PARPBP: variants seen among roughly 807,000 people sequenced by gnomAD.
The protein encoded by PARPBP is PCNA-interacting partner.
PARPBP carries 52 observed loss-of-function variants against 50.0 expected under a neutral mutation model. That is an observed-to-expected ratio of 1.04 (90% confidence interval 0.83 to 1.31). The LOEUF (loss-of-function observed/expected upper bound fraction) is 1.31. Ranked by LOEUF, PARPBP falls within the 50% of genes most tolerant of loss-of-function variation. PARPBP has a pLI of 0.00. For synonymous variants in PARPBP, 244 were observed against 232.1 expected (o/e 1.05, Z -0.47); for missense variants, 697 against 672.0 (o/e 1.04, Z -0.41).
At chr12:102,174,475 CTTCAT>C (rs1373182584) in intron 6 of PARPBP, among the ~76,000 whole-genome samples, 1 of 152,168 alleles carries the variant, frequency 6.6e-6, no homozygotes, top group East Asian at 1.9e-4. Context: ...AGAGTGAAAA[CTTCAT>C]TTCATAATTT....
rs796474782 is a variant in PARPBP at position 102,155,594 on chromosome 12, T to TGGG, written c.495+1628_495+1630dup. 4.1e-3 allele frequency among the ~76,000 whole-genome samples: 164 copies of TGGG among 40,442 alleles called. 1 individual carries two copies. Among genetic ancestry groups the TGGG allele is most frequent in the African/African-American group, 5.9e-3 (76 of 12,790 alleles). The allele number at this position is 40,442 out of a possible 152,430, so 26.5% of individuals were successfully genotyped here. A position where few individuals can be genotyped will look rare whatever the true frequency, so the allele number is the denominator to read the frequency against. Reference sequence around the variant, plus strand: ...AATCATCTATCGCCTGAGAGCATGGTGGGGGGGGGGGGCGGGGACAATGAT... The same window carrying TGGG: ...AATCATCTATCGCCTGAGAGCATGGTGGGGGGGGGGGGGGGCGGGGACAATGAT... On this transcript the variant is annotated intron_variant, in intron 4 of 10. Coordinates refer to ENST00000327680, the MANE Select transcript of PARPBP (RefSeq NM_017915.5).
At chr12:102,123,481 G>A (rs1881474478) in intron 1 of PARPBP, among the ~76,000 whole-genome samples, 1 of 151,204 alleles carries the variant, frequency 6.6e-6, no homozygotes, top group Non-Finnish European at 1.5e-5. Context: ...TAGGATGGGA[G>A]GAAATTGGCT....
At chr12:102,163,663 T>C (rs949018419) in intron 4 of PARPBP, among the ~76,000 whole-genome samples, 1 of 152,178 alleles carries the variant, frequency 6.6e-6, no homozygotes, top group African/African-American at 2.4e-5. Flanking sequence ...TTTGATAATA[T>C]CTATTGGTTT....
chr12:102,154,805 A>G, intron 4 of PARPBP: 1 of 453,738 alleles, frequency 2.2e-6, no homozygotes, highest in Non-Finnish European at 4.4e-6. Flanking sequence ...GATATCAATT[A>G]ACTAAATCTT....
At chr12:102,155,774 C>T (rs1192254926) in intron 4 of PARPBP, among the ~76,000 whole-genome samples, 1 of 152,170 alleles carries the variant, frequency 6.6e-6, no homozygotes, top group Non-Finnish European at 1.5e-5. Context: ...TTGCTCCAGT[C>T]CACCACTGCT....
At chr12:102,134,274 A>G (rs542266963) in intron 2 of PARPBP, among the ~76,000 whole-genome samples, 2 of 151,536 alleles carry the variant, frequency 1.3e-5, no homozygotes, top group South Asian at 2.1e-4. Context: ...AGGATACATT[A>G]TAACTAATAC....
Position 102,158,451 on chromosome 12 carries a change from G to A in PARPBP, c.495+4475G>A, listed in dbSNP as rs930102156. Among the ~76,000 whole-genome samples, 6 of 152,192 alleles carry A rather than the reference G, an allele frequency of 3.9e-5. No individual in the cohort carries two copies. The South Asian group carries it at 1.0e-3, about 26-fold the overall frequency. ...GCTAAAATAGAGGAAGCTGCTTCAAGCAGGTTTTTGTGTCTTTTTTACATG... is the reference window on the plus strand; with the variant it reads ...GCTAAAATAGAGGAAGCTGCTTCAAACAGGTTTTTGTGTCTTTTTTACATG... On this transcript the variant is annotated intron_variant, in intron 4 of 10. Transcript: ENST00000327680.
Position 102,161,826 on chromosome 12 carries a change from G to A in PARPBP, c.496-2612G>A, listed in dbSNP as rs570856665. 1.6e-4 allele frequency among the ~76,000 whole-genome samples: 24 copies of A among 152,296 alleles called. No individual in the cohort carries two copies. In the East Asian group the frequency reaches 3.5e-3, roughly 22 times the overall value. On this transcript the variant is annotated intron_variant, in intron 4 of 10. Coordinates refer to ENST00000327680, the MANE Select transcript of PARPBP (RefSeq NM_017915.5). Reference sequence around the variant, plus strand: ...GTGATATGCAGAGTTATCACAGGATGGCAGGAAAGAGAATACATGAATGTC... The same window carrying A: ...GTGATATGCAGAGTTATCACAGGATAGCAGGAAAGAGAATACATGAATGTC...
At chr12:102,154,357 G>A (rs11111182) in intron 4 of PARPBP, among the ~76,000 whole-genome samples, 39,405 of 152,040 alleles carry the variant, frequency 0.26, 5,262 homozygotes, top group East Asian at 0.42. Flanking sequence ...CAGTAGTACA[G>A]CTCATATATC....
chr12:102,158,988 T>C (rs1039438820), intron 4 of PARPBP, among the ~76,000 whole-genome samples: 1 of 152,232 alleles, frequency 6.6e-6, no homozygotes, highest in African/African-American at 2.4e-5. Context: ...GATTATATTT[T>C]CTAATAGAAT....
chr12:102,185,243 G>A (rs953105442), intron 9 of PARPBP, among the ~76,000 whole-genome samples: 3 of 152,130 alleles, frequency 2.0e-5, no homozygotes, highest in African/African-American at 7.2e-5. Context: ...TCATGAAAGG[G>A]TGTTGAATTT....
intron 3 of PARPBP, chr12:102,152,155 C>T: frequency 3.8e-6 from 1 of 260,452 alleles, no homozygotes; most frequent in South Asian, 4.6e-5. Flanking sequence ...TGGGTCTTCT[C>T]AGGGATGCAG....
At chr12:102,146,915 A>G (rs1165515322) in intron 2 of PARPBP, among the ~76,000 whole-genome samples, 3 of 152,198 alleles carry the variant, frequency 2.0e-5, no homozygotes, top group Admixed American at 2.0e-4. Context: ...AAGGACATGA[A>G]CAGACACTTC....
chr12:102,196,627 A>G lies in PARPBP; in HGVS notation c.*336A>G. On this transcript the variant is annotated 3_prime_UTR_variant, in exon 11 of 11. Transcript: ENST00000327680. ...AATTAAATGCTTTTATTTTCTTCTGAAAAGATGATGTGGACCAACAGGTAT... is the reference window on the plus strand; with the variant it reads ...AATTAAATGCTTTTATTTTCTTCTGGAAAGATGATGTGGACCAACAGGTAT... The G allele has an allele frequency of 6.3e-7, 1 of 1,576,524 alleles. No individual in the cohort carries two copies. Among genetic ancestry groups the G allele is most frequent in the Non-Finnish European group, 8.7e-7 (1 of 1,146,248 alleles).
chr12:102,131,361 G>C (rs527384722), intron 2 of PARPBP, among the ~76,000 whole-genome samples: 1 of 152,280 alleles, frequency 6.6e-6, no homozygotes, highest in East Asian at 1.9e-4. Context: ...CAAGGCTGTG[G>C]AGAAGAAGGA....
At chr12:102,195,846 A>T (rs1228560230) in intron 10 of PARPBP, 105 bp from the exon 11 acceptor site, 4 of 682,848 alleles carry the variant, frequency 5.9e-6, no homozygotes, top group Non-Finnish European at 9.7e-6. Flanking sequence ...TTACTTTAAA[A>T]ATTTGAATAT....
intron 8 of PARPBP, among the ~76,000 whole-genome samples, chr12:102,182,016 T>G (rs1324107222): frequency 6.6e-6 from 1 of 152,128 alleles, no homozygotes; most frequent in African/African-American, 2.4e-5. Flanking sequence ...AGGCCCCACC[T>G]CTTAATACCA....
At chr12:102,124,458 C>T (rs914292491) in intron 2 of PARPBP, among the ~76,000 whole-genome samples, 18 of 152,154 alleles carry the variant, frequency 1.2e-4, no homozygotes, top group Admixed American at 3.3e-4. Context: ...TAAAAAATTT[C>T]CACAAAGTGA....
chr12:102,178,613 C>T lies in PARPBP; in HGVS notation c.1027C>T (p.His343Tyr), dbSNP rs1409398732. 6.2e-7 allele frequency: 1 copy of T among 1,601,220 alleles called. No individual in the cohort carries two copies. Among genetic ancestry groups the T allele is most frequent in the Non-Finnish European group, 8.5e-7 (1 of 1,174,230 alleles). The change falls in exon 8 of 11, where the codon CAT becomes TAT. Residue 343 changes from histidine to tyrosine, a missense_variant. His to Tyr is a moderately conservative substitution (Grantham distance 83, BLOSUM62 2). Transcript: ENST00000327680. ...TCAGCCAAAATCTCATGCCATAAAC[C>T]ATGGTACTGCATACTGTGGCAGAGA... ...PARPKSHAIN[H>Y]GTAYCGRDTV...
Sources: allele counts gnomAD v4.1 joint callset (sites outside exome capture counted in the v4.1 genomes callset), GRCh38; gene constraint gnomAD v4.1.1; transcripts MANE v1.5; gene names NCBI Gene and HGNC (gene_info 2026-07-23, HGNC 2026-07-21).